The following SLC22A25 variants were observed in gnomAD, a reference collection of about 807,000 sequenced individuals.
The protein encoded by SLC22A25 is solute carrier family 22 member 25.
Under a neutral mutation model 45.9 loss-of-function variants are expected in SLC22A25, and 44 were observed. The ratio of observed to expected loss-of-function variants is 0.96; its 90% CI spans 0.75 to 1.23. The LOEUF is 1.23. SLC22A25 is among the 50% of genes most tolerant of loss of function. The probability of loss-of-function intolerance (pLI) is 0.00; values close to 1 mark genes in which losing one functional copy is unlikely to be tolerated. For synonymous variants in SLC22A25, 283 were observed against 238.6 expected, an observed-to-expected ratio of 1.19 and a Z score of -1.72; for missense variants, 800 against 666.4, an observed-to-expected ratio of 1.20 and a Z score of -2.21.
At chr11:63,175,028 A>T (rs936190140) in intron 9 of SLC22A25, among the ~76,000 whole-genome samples, 1 of 152,096 alleles carries the variant, frequency 6.6e-6, no homozygotes, top group Non-Finnish European at 1.5e-5. Flanking sequence ...CCATATGTCA[A>T]TGGACATTTA....
chr11:63,189,164 T>G (rs1352678939), intron 7 of SLC22A25, among the ~76,000 whole-genome samples: 1 of 152,196 alleles, frequency 6.6e-6, no homozygotes, highest in Non-Finnish European at 1.5e-5. Flanking sequence ...CTCCCATTAT[T>G]ATTGTGTGGG....
At position 63,163,786 on chromosome 11, in the gene SLC22A25, G is replaced by A. The variant is rs369473692; in HGVS notation, c.*38C>T. On this transcript the variant is annotated 3_prime_UTR_variant, in exon 12 of 12. Transcript: ENST00000306494. ...CAGATCTAAGCCTTTTTGGGGGATG[G>A]TAGCCCTAAATGGTGTTTTGCTTTC... The A allele has an allele frequency of 6.4e-7, 1 of 1,568,916 alleles. No individual in the cohort carries two copies. The highest frequency in any genetic ancestry group is 8.6e-7 in the Non-Finnish European group (1 of 1,160,062).
intron 7 of SLC22A25, among the ~76,000 whole-genome samples, chr11:63,198,287 T>C (rs927472825): frequency 6.6e-6 from 1 of 152,194 alleles, no homozygotes; most frequent in African/African-American, 2.4e-5. Flanking sequence ...ATGTTTATTG[T>C]GGCACTATTC....
At chr11:63,194,272 T>C (rs1235284347) in intron 7 of SLC22A25, among the ~76,000 whole-genome samples, 1 of 152,084 alleles carries the variant, frequency 6.6e-6, no homozygotes, top group Non-Finnish European at 1.5e-5. Flanking sequence ...TTCCCCAACC[T>C]AGCAAAGCAG....
intron 7 of SLC22A25, among the ~76,000 whole-genome samples, chr11:63,198,915 G>A (rs1037810583): frequency 2.6e-5 from 4 of 151,984 alleles, no homozygotes; most frequent in African/African-American, 4.8e-5. Flanking sequence ...CAGTGTTAAG[G>A]TGGAAATTTA....
intron 7 of SLC22A25, among the ~76,000 whole-genome samples, chr11:63,194,788 G>C (rs1327387136): frequency 6.6e-6 from 1 of 150,912 alleles, no homozygotes; most frequent in Non-Finnish European, 1.5e-5. Context: ...AAAGAGTCAA[G>C]ACTCATCAGT....
intron 1 of SLC22A25, among the ~76,000 whole-genome samples, chr11:63,240,476 CT>C (rs2090229910): frequency 6.6e-6 from 1 of 152,070 alleles, no homozygotes; most frequent in African/African-American, 2.4e-5. Context: ...AAACATTTTC[CT>C]TTCTTCAATA....
intron 5 of SLC22A25, chr11:63,219,846 T>C (rs2089809577): frequency 1.8e-6 from 2 of 1,111,608 alleles, no homozygotes; most frequent in East Asian, 5.8e-5. Flanking sequence ...GCTGGGTTAC[T>C]GGACTGTTGG....
In SLC22A25 at chr11:63,183,742, A is replaced by G. The variant is rs1234121559; in HGVS notation, c.906T>C (p.Ala302=). The G allele has an allele frequency of 6.2e-7, 1 of 1,613,238 alleles. No homozygotes were observed. The highest frequency in any genetic ancestry group is 1.7e-5 in the Admixed American group (1 of 59,928). Residue 302 remains alanine, a synonymous_variant, in exon 8 of 12, where the codon GCT becomes GCC. Transcript: ENST00000306494. The part of the protein sequence containing the change: ...PEEGLKELRK[A]AHRNGMKNAE... Reference sequence around the variant, plus strand: ...CATTCTTCATTCCATTCCTGTGTGCAGCTTTTCTAAGTTCCTTTAAGCCCT... The same window carrying G: ...CATTCTTCATTCCATTCCTGTGTGCGGCTTTTCTAAGTTCCTTTAAGCCCT...
chr11:63,219,336 AAG>A, intron 5 of SLC22A25, among the ~76,000 whole-genome samples: 1 of 152,198 alleles, frequency 6.6e-6, no homozygotes, highest in Admixed American at 6.5e-5. Context: ...TGAAATCCTA[AAG>A]AGAATCACCT....
chr11:63,232,635 T>G (rs1304769666), intron 3 of SLC22A25, among the ~76,000 whole-genome samples: 7 of 152,196 alleles, frequency 4.6e-5, no homozygotes, highest in Admixed American at 4.6e-4. Flanking sequence ...TCCCTTCTCC[T>G]GCCTGATTGC....
chr11:63,200,387 A>T lies in SLC22A25; in HGVS notation c.831-16570T>A, dbSNP rs1049617612. Among the ~76,000 whole-genome samples, 7 of 151,338 alleles carry T rather than the reference A, an allele frequency of 4.6e-5. No individual in the cohort carries two copies. The East Asian group carries it at 1.4e-3, about 29-fold the overall frequency. ...AATAAATTTGATTCATCACATAAACAGAACTAAAGACAAAAACACATGGTT... is the reference window on the plus strand; with the variant it reads ...AATAAATTTGATTCATCACATAAACTGAACTAAAGACAAAAACACATGGTT... On this transcript the variant is annotated intron_variant, in intron 7 of 11. Transcript: ENST00000306494.
intron 7 of SLC22A25, among the ~76,000 whole-genome samples, chr11:63,207,969 C>T (rs1228616749): frequency 1.3e-5 from 2 of 152,180 alleles, no homozygotes; most frequent in African/African-American, 2.4e-5. Context: ...AGGGCTCAGT[C>T]CTTTGGATGC....
chr11:63,234,500 G>A (rs4060975), intron 3 of SLC22A25, among the ~76,000 whole-genome samples: 55,732 of 151,800 alleles, frequency 0.37, 10,528 homozygotes, highest in East Asian at 0.56. Context: ...GTAGATCTTC[G>A]TCCATCCCTT....
At chr11:63,221,922 T>G (rs1339796139) in intron 5 of SLC22A25, among the ~76,000 whole-genome samples, 1 of 152,088 alleles carries the variant, frequency 6.6e-6, no homozygotes, top group African/African-American at 2.4e-5. Flanking sequence ...GCACCTTTGT[T>G]GATGATGAGT....
chr11:63,198,026 T>A (rs776726546), intron 7 of SLC22A25, among the ~76,000 whole-genome samples: 1 of 152,160 alleles, frequency 6.6e-6, no homozygotes, highest in Non-Finnish European at 1.5e-5. Context: ...CACAATGAGA[T>A]ACCATCTCAC....
chr11:63,172,260 A>G (rs6421683), intron 9 of SLC22A25, among the ~76,000 whole-genome samples: 151,758 of 152,212 alleles, frequency 1, 75,655 homozygotes, highest in Middle Eastern at 1. Context: ...CTAAAACACC[A>G]AAAGCAATTG....
At chr11:63,194,741 A>G (rs565124267) in intron 7 of SLC22A25, among the ~76,000 whole-genome samples, 2 of 152,038 alleles carry the variant, frequency 1.3e-5, no homozygotes, top group South Asian at 2.1e-4. Context: ...AATGCACTAA[A>G]TGCCCCAGTT....
intron 3 of SLC22A25, among the ~76,000 whole-genome samples, chr11:63,232,280 C>T (rs1402705117): frequency 6.6e-6 from 1 of 152,134 alleles, no homozygotes; most frequent in Non-Finnish European, 1.5e-5. Flanking sequence ...GAATGTTCTT[C>T]CATTTGTTTG....
Sources: allele counts gnomAD v4.1 joint callset (sites outside exome capture counted in the v4.1 genomes callset), GRCh38; gene constraint gnomAD v4.1.1; transcripts MANE v1.5; gene names NCBI Gene and HGNC (gene_info 2026-07-23, HGNC 2026-07-21).